Variants in EPHA3 observed in about 807,000 individuals in gnomAD.
EPHA3 encodes the protein ephrin type-A receptor 3.
In EPHA3, 42 loss-of-function variants were observed where a neutral mutation model predicts 107.1. The observed-to-expected ratio is 0.39, with a 90% confidence interval of 0.31 to 0.51. The LOEUF is 0.51. Ranked by LOEUF, EPHA3 falls within the 20% of genes least tolerant of loss-of-function variation. EPHA3 has a pLI of 0.78. For synonymous variants in EPHA3, 461 were observed against 424.8 expected, an observed-to-expected ratio of 1.09 and a Z score of -1.05; for missense variants, 1,183 against 1,211.2, an observed-to-expected ratio of 0.98 and a Z score of 0.35.
intron 3 of EPHA3, among the ~76,000 whole-genome samples, chr3:89,332,930 CATTA>C (rs147158812): frequency 0.035 from 5,323 of 152,236 alleles, 322 homozygotes; most frequent in African/African-American, 0.12. Context: ...AAGTCAACCA[CATTA>C]GTCAACCGGA....
chr3:89,385,875 A>C (rs1042220406), intron 5 of EPHA3, among the ~76,000 whole-genome samples: 24 of 152,224 alleles, frequency 1.6e-4, no homozygotes, highest in African/African-American at 5.8e-4. Context: ...TTTGACCAAA[A>C]TATTGATAGT....
chr3:89,404,541 C>G (rs144273384), intron 7 of EPHA3, among the ~76,000 whole-genome samples: 1,928 of 152,192 alleles, frequency 0.013, 40 homozygotes, highest in African/African-American at 0.044. Context: ...AAAACAAATT[C>G]AAGTTGAATT....
At chr3:89,126,992 G>A (rs1162559718) in intron 1 of EPHA3, among the ~76,000 whole-genome samples, 1 of 151,732 alleles carries the variant, frequency 6.6e-6, no homozygotes, top group Admixed American at 6.6e-5. Context: ...GTAAACAAAT[G>A]CAAACAGTTT....
At chr3:89,379,775 C>CTGAAA (rs1204188422) in intron 5 of EPHA3, among the ~76,000 whole-genome samples, 1 of 152,092 alleles carries the variant, frequency 6.6e-6, no homozygotes, top group East Asian at 1.9e-4. Context: ...TTCTTATTTT[C>CTGAAA]TGAAATACTA....
intron 5 of EPHA3, among the ~76,000 whole-genome samples, chr3:89,346,358 C>G (rs1339909017): frequency 1.8e-4 from 25 of 139,218 alleles, no homozygotes; most frequent in African/African-American, 6.7e-4. Context: ...TTGCATTTCT[C>G]TGATGGCCAG....
rs1156495695 is a variant in EPHA3 at position 89,419,332 on chromosome 3, C to A, written c.2016C>A (p.Ser672Arg). ...KQRRDFLGEASIMGQFDHPNI... is the reference protein window; with the variant it reads ...KQRRDFLGEARIMGQFDHPNI... ...GGAGAGACTTCCTGGGAGAAGCAAG[C>A]ATTATGGGACAGTTTGACCACCCCA... The change falls in exon 11 of 17, where the codon AGC becomes AGA. Residue 672 changes from serine to arginine, a missense_variant. Coordinates refer to ENST00000336596, the MANE Select transcript of EPHA3 (RefSeq NM_005233.6). 5 of 1,609,722 alleles carry A rather than the reference C, an allele frequency of 3.1e-6. No homozygotes were observed. The highest frequency in any genetic ancestry group is 4.2e-6 in the Non-Finnish European group (5 of 1,177,454).
chr3:89,247,034 C>T (rs1705049543), intron 3 of EPHA3, among the ~76,000 whole-genome samples: 1 of 152,126 alleles, frequency 6.6e-6, no homozygotes, highest in African/African-American at 2.4e-5. Context: ...GTCTTCAGTA[C>T]CATTCAACGA....
intron 5 of EPHA3, among the ~76,000 whole-genome samples, chr3:89,342,851 T>G (rs1707561176): frequency 7.3e-6 from 1 of 136,852 alleles, no homozygotes; most frequent in South Asian, 2.2e-4. Flanking sequence ...TGTCTTATTT[T>G]TACACATACA....
At chr3:89,207,729 C>T (rs1050980675) in intron 2 of EPHA3, among the ~76,000 whole-genome samples, 3 of 151,902 alleles carry the variant, frequency 2.0e-5, no homozygotes. Flanking sequence ...GGGTTTTATT[C>T]ATAAATTTAA....
At chr3:89,311,093 A>T (rs747893548) in intron 3 of EPHA3, among the ~76,000 whole-genome samples, 4 of 152,094 alleles carry the variant, frequency 2.6e-5, no homozygotes, top group Admixed American at 6.6e-5. Flanking sequence ...GATACCTGGC[A>T]AACAGTAAGC....
At chr3:89,207,573 G>A (rs1199752480) in intron 2 of EPHA3, among the ~76,000 whole-genome samples, 2 of 127,050 alleles carry the variant, frequency 1.6e-5, no homozygotes, top group African/African-American at 5.1e-5. Context: ...TCATAACATA[G>A]TGTCAATAGA....
chr3:89,325,062 A>G (rs1193315280), intron 3 of EPHA3, among the ~76,000 whole-genome samples: 2 of 152,116 alleles, frequency 1.3e-5, no homozygotes, highest in Non-Finnish European at 1.5e-5. Flanking sequence ...GTGGTGTCCC[A>G]CTGTGTATAT....
intron 2 of EPHA3, among the ~76,000 whole-genome samples, chr3:89,173,176 CTAAG>C (rs988716384): frequency 1.3e-5 from 2 of 151,988 alleles, no homozygotes; most frequent in Non-Finnish European, 2.9e-5. Flanking sequence ...TCATGTAACT[CTAAG>C]TAGAGATGCA....
chr3:89,246,594 C>T (rs549645895), intron 3 of EPHA3, among the ~76,000 whole-genome samples: 1 of 152,214 alleles, frequency 6.6e-6, no homozygotes, highest in Admixed American at 6.5e-5. Context: ...TGCCATCATT[C>T]CCATGGGCAA....
At chr3:89,279,974 G>A (rs985283920) in intron 3 of EPHA3, among the ~76,000 whole-genome samples, 2 of 151,820 alleles carry the variant, frequency 1.3e-5, no homozygotes, top group African/African-American at 4.9e-5. Context: ...GAACTCAGGG[G>A]AAAATATATA....
intron 3 of EPHA3, among the ~76,000 whole-genome samples, chr3:89,227,847 G>T (rs1312436086): frequency 6.6e-6 from 1 of 151,898 alleles, no homozygotes; most frequent in Non-Finnish European, 1.5e-5. Context: ...CTTATATTAG[G>T]TTGTTTAAAT....
chr3:89,397,089 G>C (rs1346589184), intron 6 of EPHA3, among the ~76,000 whole-genome samples: 3 of 152,096 alleles, frequency 2.0e-5, no homozygotes, highest in Admixed American at 6.6e-5. Context: ...ACTGCGTAAT[G>C]TAAAAACATT....
intron 15 of EPHA3, among the ~76,000 whole-genome samples, chr3:89,470,714 CAA>C (rs1710381559): frequency 6.6e-6 from 1 of 152,120 alleles, no homozygotes; most frequent in Non-Finnish European, 1.5e-5. Flanking sequence ...GCAATATGAA[CAA>C]AGTTTTACCT....
chr3:89,260,641 A>G (rs528347208), intron 3 of EPHA3, among the ~76,000 whole-genome samples: 125 of 152,178 alleles, frequency 8.2e-4, no homozygotes, highest in Non-Finnish European at 1.5e-3. Context: ...CTTTGTTTGC[A>G]TTTGGTTGCA....
Sources: gnomAD v4.1 joint callset for allele counts (sites outside exome capture counted in the v4.1 genomes callset) on GRCh38, gnomAD v4.1.1 for gene constraint, MANE v1.5 for transcripts, NCBI Gene and HGNC (gene_info 2026-07-23, HGNC 2026-07-21) for gene names.